Variants in CGNL1 observed in about 807,000 individuals in gnomAD.
CGNL1 encodes cingulin-like protein 1.
CGNL1 carries 132 observed loss-of-function variants against 141.2 expected under a neutral mutation model. That is an observed-to-expected ratio of 0.93 (90% CI 0.81 to 1.08). The LOEUF (loss-of-function observed/expected upper bound fraction) is 1.08. CGNL1 is among the 50% of genes least tolerant of loss of function. The pLI, the probability that CGNL1 is intolerant of heterozygous loss-of-function variation, is 0.00. For missense variants in CGNL1, 1,870 were observed against 1,588.6 expected (o/e 1.18, Z -3.01); for synonymous variants, 690 against 622.1 (o/e 1.11, Z -1.63).
intron 8 of CGNL1, among the ~76,000 whole-genome samples, chr15:57,483,786 C>A (rs181411678): frequency 6.6e-6 from 1 of 152,082 alleles, no homozygotes; most frequent in Non-Finnish European, 1.5e-5. Flanking sequence ...GAATGTTCCT[C>A]TCTATTCATA....
intron 1 of CGNL1, among the ~76,000 whole-genome samples, chr15:57,383,948 G>T (rs1304874626): frequency 6.6e-6 from 1 of 151,996 alleles, no homozygotes; most frequent in African/African-American, 2.4e-5. Flanking sequence ...CCAAACTTAA[G>T]ATTTCTTTTA....
Position 57,515,519 on chromosome 15 carries a change from G to A in CGNL1, c.2404-1261G>A, listed in dbSNP as rs112279636. 1.5e-4 allele frequency among the ~76,000 whole-genome samples: 23 copies of A among 152,264 alleles called. 1 individual carries two copies. Among genetic ancestry groups the A allele is most frequent in the South Asian group, 8.3e-4 (4 of 4,820 alleles). On this transcript the variant is annotated intron_variant, in intron 8 of 18. Coordinates refer to ENST00000281282, the MANE Select transcript of CGNL1 (RefSeq NM_032866.5). ...CCTGGGCCTTTCTTTTATCGCAGGC[G>A]TCTGTAGCATTGTGTTGTAGGCATG...
intron 7 of CGNL1, among the ~76,000 whole-genome samples, chr15:57,458,797 A>G (rs1877322863): frequency 6.6e-6 from 1 of 152,206 alleles, no homozygotes; most frequent in Admixed American, 6.5e-5. Flanking sequence ...AGGACAGGGT[A>G]TAATTTCATA....
intron 1 of CGNL1, among the ~76,000 whole-genome samples, chr15:57,417,625 T>C (rs2062863703): frequency 6.8e-6 from 1 of 147,582 alleles, no homozygotes; most frequent in South Asian, 2.2e-4. Context: ...TTTTTTTCCT[T>C]CTGGGGATTT....
At chr15:57,448,608 A>G (rs1214868236) in intron 4 of CGNL1, among the ~76,000 whole-genome samples, 1 of 152,160 alleles carries the variant, frequency 6.6e-6, no homozygotes, top group Non-Finnish European at 1.5e-5. Flanking sequence ...AGATCTGGCC[A>G]ATGCACTCCA....
intron 8 of CGNL1, among the ~76,000 whole-genome samples, chr15:57,507,508 C>T (rs1200652528): frequency 2.0e-5 from 3 of 151,958 alleles, no homozygotes; most frequent in Non-Finnish European, 1.5e-5. Flanking sequence ...CACTGAGTTG[C>T]CATAGGAAAA....
At chr15:57,542,312 G>A (rs896188508) in intron 14 of CGNL1, among the ~76,000 whole-genome samples, 3 of 152,188 alleles carry the variant, frequency 2.0e-5, no homozygotes, top group Admixed American at 6.5e-5. Flanking sequence ...CCTGGAATTC[G>A]TTTTCATCCT....
chr15:57,438,877 C>G lies in CGNL1; in HGVS notation c.878C>G (p.Ser293Cys), dbSNP rs201747155. 1 of 1,614,170 alleles carries G rather than the reference C, an allele frequency of 6.2e-7. No homozygotes were observed. The highest frequency in any genetic ancestry group is 8.5e-7 in the Non-Finnish European group (1 of 1,180,030). ...SAGPVLDGAR[S>C]RRSSSSSTTP... is the part of the protein sequence containing the mutation. ...GGACCCGTCCTGGATGGAGCTCGGTCCCGGAGGTCCTCCTCGTCATCCACA... is the reference window on the plus strand; with the variant it reads ...GGACCCGTCCTGGATGGAGCTCGGTGCCGGAGGTCCTCCTCGTCATCCACA... Residue 293 changes from serine (S) to cysteine (C), a missense_variant, in exon 2 of 19, where the codon TCC becomes TGC. Transcript: ENST00000281282.
At chr15:57,472,470 G>A (rs75812128) in intron 8 of CGNL1, among the ~76,000 whole-genome samples, 2,620 of 152,220 alleles carry the variant, frequency 0.017, 37 homozygotes, top group Non-Finnish European at 0.028. Flanking sequence ...GGGGGAGTGT[G>A]AATGTTTGAC....
intron 13 of CGNL1, 67 bp from the exon 14 acceptor site, chr15:57,531,623 G>C: frequency 1.0e-6 from 1 of 987,260 alleles, no homozygotes; most frequent in Non-Finnish European, 1.6e-6. Context: ...TTCTCTGTGG[G>C]GGAGCCTTTG....
Position 57,453,668 on chromosome 15 carries a change from T to G in CGNL1, c.2055-15T>G, listed in dbSNP as rs751327658. 3 of 1,613,190 alleles carry G rather than the reference T, an allele frequency of 1.9e-6. No homozygotes were observed. Among genetic ancestry groups the G allele is most frequent in the African/African-American group, 1.3e-5 (1 of 74,910 alleles). The stretch of plus-strand genomic sequence containing the variant: ...GCCCAGAAGAGCCTGTCTAATGGGC[T>G]TCCTTCCCTGCCAGGCTATTCCAGG... On this transcript the variant is annotated splice_polypyrimidine_tract_variant and intron_variant, in intron 6 of 18. Transcript: ENST00000281282.
chr15:57,504,504 C>T (rs577481981), intron 8 of CGNL1, among the ~76,000 whole-genome samples: 3 of 152,302 alleles, frequency 2.0e-5, no homozygotes, highest in Non-Finnish European at 2.9e-5. Context: ...TAGGTCTTTA[C>T]GTGATGTGAT....
At position 57,438,829 on chromosome 15, in the gene CGNL1, C is replaced by G. The variant is rs887240389; in HGVS notation, c.830C>G (p.Pro277Arg). The change falls in exon 2 of 19, where the codon CCC (proline) becomes CGC (arginine). Residue 277 changes from proline (P) to arginine (R), a missense_variant. Transcript: ENST00000281282. ...AAGAAAACCAGGCCAGATGTTCTTCCCTTCCGGCGACAGGATTCAGCGGGA... is the reference window on the plus strand; with the variant it reads ...AAGAAAACCAGGCCAGATGTTCTTCGCTTCCGGCGACAGGATTCAGCGGGA... ...ETKKTRPDVL[P>R]FRRQDSAGPV... The G allele has an allele frequency of 3.7e-6, 6 of 1,614,060 alleles. No homozygotes were observed. In the African/African-American group the frequency reaches 6.7e-5, roughly 18 times the overall value.
At chr15:57,487,838 C>A (rs777112562) in intron 8 of CGNL1, among the ~76,000 whole-genome samples, 1 of 152,148 alleles carries the variant, frequency 6.6e-6, no homozygotes, top group Non-Finnish European at 1.5e-5. Flanking sequence ...AAGAGAGTCA[C>A]CAATATTCTA....
At chr15:57,482,032 G>A (rs1236505406) in intron 8 of CGNL1, among the ~76,000 whole-genome samples, 3 of 151,864 alleles carry the variant, frequency 2.0e-5, no homozygotes, top group African/African-American at 7.3e-5. Flanking sequence ...GTCATTTCAT[G>A]TGCTCTTTTG....
At position 57,528,714 on chromosome 15, in the gene CGNL1, A is replaced by G; in HGVS notation, c.3100A>G (p.Lys1034Glu). ...YQRAQDEALT[K>E]RQLLEQTLKD... Reference sequence around the variant, plus strand: ...GAGAGCTCAGGATGAAGCACTCACAAAAAGGCAGCTTCTGGAGCAGACGCT... The same window carrying G: ...GAGAGCTCAGGATGAAGCACTCACAGAAAGGCAGCTTCTGGAGCAGACGCT... The change falls in exon 13 of 19, where the codon AAA (lysine) becomes GAA (glutamate). Residue 1034 changes from lysine (K) to glutamate (E), a missense_variant. Physicochemically the swap from Lys to Glu is moderately conservative, Grantham distance 56 (BLOSUM62 1). Transcript: ENST00000281282. 1 of 1,614,174 alleles carries G rather than the reference A, an allele frequency of 6.2e-7. No individual in the cohort carries two copies. The highest frequency in any genetic ancestry group is 8.5e-7 in the Non-Finnish European group (1 of 1,180,018).
At chr15:57,461,477 G>A (rs2063445153) in intron 7 of CGNL1, among the ~76,000 whole-genome samples, 1 of 152,182 alleles carries the variant, frequency 6.6e-6, no homozygotes, top group East Asian at 1.9e-4. Context: ...CAGAGGCAGA[G>A]GAATCCAAGG....
chr15:57,393,080 G>T (rs1179292037), intron 1 of CGNL1, among the ~76,000 whole-genome samples: 3 of 152,164 alleles, frequency 2.0e-5, no homozygotes, highest in Admixed American at 2.0e-4. Context: ...TAATGGCAAG[G>T]GTGGAAGGAG....
At chr15:57,495,924 A>G (rs2063931717) in intron 8 of CGNL1, among the ~76,000 whole-genome samples, 1 of 152,238 alleles carries the variant, frequency 6.6e-6, no homozygotes, top group Non-Finnish European at 1.5e-5. Flanking sequence ...ATTGACAAAA[A>G]AAAATGAAAG....
Sources: gnomAD v4.1 joint callset for allele counts (sites outside exome capture counted in the v4.1 genomes callset) on GRCh38, gnomAD v4.1.1 for gene constraint, MANE v1.5 for transcripts, NCBI Gene and HGNC (gene_info 2026-07-23, HGNC 2026-07-21) for gene names.